PKNOX2: variants seen among roughly 807,000 people sequenced by gnomAD.
PKNOX2 encodes PBX/knotted 1 homeobox 2.
In PKNOX2, 14 loss-of-function variants were observed where a neutral mutation model predicts 53.1. That is an observed-to-expected ratio of 0.26 (90% CI 0.17 to 0.41). The LOEUF (loss-of-function observed/expected upper bound fraction) is 0.41. PKNOX2 is among the 10% of genes least tolerant of loss of function. The pLI is 1.00. For missense variants in PKNOX2, 496 were observed against 602.8 expected (o/e 0.82, Z 1.85); for synonymous variants, 257 against 242.8 (o/e 1.06, Z -0.54).
chr11:125,250,765 A>G, intron 2 of PKNOX2, among the ~76,000 whole-genome samples: 1 of 152,240 alleles, frequency 6.6e-6, no homozygotes, highest in East Asian at 1.9e-4. Flanking sequence ...GCAGGCTTTC[A>G]CACAACATAG....
At chr11:125,268,295 T>C (rs1945516662) in intron 2 of PKNOX2, among the ~76,000 whole-genome samples, 1 of 152,228 alleles carries the variant, frequency 6.6e-6, no homozygotes, top group Non-Finnish European at 1.5e-5. Context: ...AACCGCGTGC[T>C]GTAGAAGCTG....
At chr11:125,212,516 G>A (rs941419407) in intron 1 of PKNOX2, among the ~76,000 whole-genome samples, 1 of 145,366 alleles carries the variant, frequency 6.9e-6, no homozygotes, top group South Asian at 2.2e-4. Context: ...GTGCAGCGGC[G>A]TGATCACGGC....
rs771858818 is a variant in PKNOX2, at chr11:125,430,083, C to T, written c.1134C>T (p.Asn378=). Residue 378 remains asparagine (N), a synonymous_variant, in exon 12 of 13, where the codon AAC becomes AAT. Coordinates refer to ENST00000298282, the MANE Select transcript of PKNOX2 (RefSeq NM_001382323.2). ...QHRPTQRFWP[N]SIAAGVLQQQ... ...GGCCCACCCAAAGATTCTGGCCCAA[C>T]TCCATCGCTGCGGGGGTGCTGCAGC... 1.2e-6 allele frequency: 2 copies of T among 1,614,060 alleles called. No individual in the cohort carries two copies. The highest frequency in any genetic ancestry group is 1.3e-5 in the African/African-American group (1 of 74,938).
intron 2 of PKNOX2, among the ~76,000 whole-genome samples, chr11:125,314,521 T>G (rs1949035207): frequency 6.6e-6 from 1 of 152,136 alleles, no homozygotes; most frequent in African/African-American, 2.4e-5. Flanking sequence ...TGGTGTGCTC[T>G]GCATGTCAGG....
At chr11:125,417,001 G>A (rs1029676384) in intron 10 of PKNOX2, among the ~76,000 whole-genome samples, 2 of 152,022 alleles carry the variant, frequency 1.3e-5, no homozygotes, top group African/African-American at 2.4e-5. Flanking sequence ...GATTGGGATC[G>A]TTTCATACGT....
intron 1 of PKNOX2, among the ~76,000 whole-genome samples, chr11:125,196,626 G>A (rs1591477466): frequency 6.6e-6 from 1 of 152,284 alleles, no homozygotes; most frequent in East Asian, 1.9e-4. Flanking sequence ...AGCCAAACCT[G>A]GGTCAAACCC....
intron 12 of PKNOX2, 87 bp downstream of exon 12, chr11:125,430,228 G>T: frequency 6.8e-7 from 1 of 1,460,996 alleles, no homozygotes; most frequent in Non-Finnish European, 9.2e-7. Context: ...AGATTCAAGG[G>T]CTATCTCCTT....
intron 1 of PKNOX2, among the ~76,000 whole-genome samples, chr11:125,215,199 C>A (rs141702426): frequency 1.3e-5 from 2 of 152,012 alleles, no homozygotes; most frequent in Non-Finnish European, 2.9e-5. Flanking sequence ...GTTCTTCCCC[C>A]ACCAGGAAGA....
At chr11:125,246,569 C>T (rs1000371527) in intron 2 of PKNOX2, among the ~76,000 whole-genome samples, 12 of 152,170 alleles carry the variant, frequency 7.9e-5, no homozygotes, top group African/African-American at 2.9e-4. Flanking sequence ...GAAGATGGTA[C>T]AATGGAGGGA....
intron 5 of PKNOX2, among the ~76,000 whole-genome samples, chr11:125,381,868 C>T (rs948806930): frequency 3.3e-5 from 5 of 152,204 alleles, no homozygotes; most frequent in African/African-American, 4.8e-5. Context: ...TGCGTGACTA[C>T]GTCTCATCAT....
chr11:125,351,798 G>C (rs1277559343), intron 4 of PKNOX2, among the ~76,000 whole-genome samples: 1 of 152,002 alleles, frequency 6.6e-6, no homozygotes, highest in Non-Finnish European at 1.5e-5. Context: ...AGAGGTTTCT[G>C]AGTGCCAGGC....
chr11:125,397,425 G>A (rs1380566669), intron 6 of PKNOX2, among the ~76,000 whole-genome samples: 1 of 152,174 alleles, frequency 6.6e-6, no homozygotes. Flanking sequence ...CCATGTATAC[G>A]CCCTCATACA....
At chr11:125,236,308 C>T (rs931449111) in intron 2 of PKNOX2, among the ~76,000 whole-genome samples, 11 of 141,648 alleles carry the variant, frequency 7.8e-5, no homozygotes, top group Admixed American at 2.4e-4. Context: ...CAGGAGCAGT[C>T]GGATCTCCAG....
At chr11:125,279,411 C>A (rs1318171315) in intron 2 of PKNOX2, among the ~76,000 whole-genome samples, 3 of 152,158 alleles carry the variant, frequency 2.0e-5, no homozygotes, top group Admixed American at 1.3e-4. Context: ...ATAAAGGAGA[C>A]CCGAGAAGTA....
At chr11:125,193,289 C>T (rs1956987904) in intron 1 of PKNOX2, among the ~76,000 whole-genome samples, 1 of 152,200 alleles carries the variant, frequency 6.6e-6, no homozygotes, top group Non-Finnish European at 1.5e-5. Context: ...TGCTGCCACA[C>T]AGTGTATCTG....
chr11:125,338,126 C>G (rs1009921015), intron 3 of PKNOX2, among the ~76,000 whole-genome samples: 1 of 152,182 alleles, frequency 6.6e-6, no homozygotes, highest in East Asian at 1.9e-4. Flanking sequence ...GCTCTCTGTC[C>G]CCCTTGGGGA....
chr11:125,315,328 A>AAAAAAAAAAAAAAAAAAAAC (rs1201379428), intron 2 of PKNOX2, among the ~76,000 whole-genome samples: 12 of 144,832 alleles, frequency 8.3e-5, no homozygotes, highest in African/African-American at 3.0e-4. Context: ...AAAAAAAAAA[A>AAAAAAAAAAAAAAAAAAAAC]CACCTCTCTC....
intron 2 of PKNOX2, among the ~76,000 whole-genome samples, chr11:125,260,507 T>C (rs558779915): frequency 7.3e-5 from 11 of 150,622 alleles, no homozygotes; most frequent in Non-Finnish European, 1.2e-4. Flanking sequence ...TGTTTTATGG[T>C]TTTTTTTAAT....
chr11:125,237,725 G>C (rs960944954), intron 2 of PKNOX2, among the ~76,000 whole-genome samples: 1 of 152,188 alleles, frequency 6.6e-6, no homozygotes, highest in African/African-American at 2.4e-5. Context: ...AATAGGTCCT[G>C]CAGCTAGCAG....
Sources: gnomAD v4.1 joint callset for allele counts (sites outside exome capture counted in the v4.1 genomes callset) on GRCh38, gnomAD v4.1.1 for gene constraint, MANE v1.5 for transcripts, NCBI Gene and HGNC (gene_info 2026-07-23, HGNC 2026-07-21) for gene names.